The following GREB1L variants were observed in gnomAD, a reference collection of about 807,000 sequenced individuals.
GREB1L encodes GREB1 like retinoic acid receptor coactivator.
Under a neutral mutation model 200.8 loss-of-function variants are expected in GREB1L, and 17 were observed. The observed-to-expected ratio is 0.08, with a 90% CI of 0.06 to 0.13. GREB1L has a LOEUF of 0.13. Ranked by LOEUF, GREB1L falls within the 10% of genes least tolerant of loss-of-function variation. The pLI is 1.00. For missense variants in GREB1L, 1,657 were observed against 2,367.7 expected, an observed-to-expected ratio of 0.70 and a Z score of 6.23; for synonymous variants, 789 against 893.0, an observed-to-expected ratio of 0.88 and a Z score of 2.08.
chr18:21,499,400 A>G (rs886917970), intron 21 of GREB1L, among the ~76,000 whole-genome samples: 14 of 152,240 alleles, frequency 9.2e-5, no homozygotes, highest in African/African-American at 3.4e-4. Context: ...TGGGCCTGAC[A>G]CAGGGAGGGG....
intron 5 of GREB1L, among the ~76,000 whole-genome samples, chr18:21,399,083 C>T (rs1455364214): frequency 6.6e-6 from 1 of 152,208 alleles, no homozygotes; most frequent in African/African-American, 2.4e-5. Context: ...CACACTCTTG[C>T]TTTTCACCTC....
intron 1 of GREB1L, among the ~76,000 whole-genome samples, chr18:21,309,644 C>T (rs2038759877): frequency 6.6e-6 from 1 of 152,108 alleles, no homozygotes. Flanking sequence ...GCCTTTTACC[C>T]TCTGGCCTTT....
chr18:21,342,101 G>A (rs745592878), intron 1 of GREB1L, among the ~76,000 whole-genome samples: 10 of 151,984 alleles, frequency 6.6e-5, no homozygotes, highest in Non-Finnish European at 1.5e-4. Context: ...AACCATTTTT[G>A]CCTATGTGCT....
rs2036270437 is a variant in GREB1L at position 21,490,061 on chromosome 18, C to G, written c.2740C>G (p.Gln914Glu). Reference protein sequence around the residue: ...MVVRCYLLIQQYSEALMALTT... With the variant: ...MVVRCYLLIQEYSEALMALTT... ...CGTCCGCTGCTATCTTCTCATCCAG[C>G]AGTACTCTGAGGCCCTGATGGCTCT... Residue 914 changes from glutamine (Q) to glutamate (E), a missense_variant, in exon 19 of 33, where the codon CAG becomes GAG. Physicochemically the swap from Gln to Glu is conservative, Grantham distance 29 (BLOSUM62 2). Transcript: ENST00000424526. 6.4e-7 allele frequency: 1 copy of G among 1,551,980 alleles called. No individual in the cohort carries two copies. Among genetic ancestry groups the G allele is most frequent in the East Asian group, 2.4e-5 (1 of 40,926 alleles).
chr18:21,406,960 C>T (rs375312600), intron 7 of GREB1L, among the ~76,000 whole-genome samples: 1 of 151,422 alleles, frequency 6.6e-6, no homozygotes, highest in Admixed American at 6.6e-5. Flanking sequence ...CTGCAATCTC[C>T]GCCTCCCAAG....
chr18:21,470,131 A>G (rs2035423600), intron 15 of GREB1L, among the ~76,000 whole-genome samples: 1 of 151,942 alleles, frequency 6.6e-6, no homozygotes, highest in African/African-American at 2.4e-5. Context: ...ATTAAAAAAA[A>G]AAAAATCTTA....
Position 21,242,406 on chromosome 18 carries a change from G to C in GREB1L, c.-120+13G>C, listed in dbSNP as rs918410316. The C allele has an allele frequency of 6.6e-6, 1 of 152,142 alleles. No individual in the cohort carries two copies. Among genetic ancestry groups the C allele is most frequent in the African/African-American group, 2.4e-5 (1 of 41,422 alleles). The allele number at this position is 152,142 out of a possible 1,614,324, so 9.4% of individuals were successfully genotyped here. A position where few individuals can be genotyped will look rare whatever the true frequency, so the allele number is the denominator to read the frequency against. Reference sequence around the variant, plus strand: ...CCGCTAGGGCCAGGTGAGCGGCCGCGGGGACTCCGGGGCGCGGGCAGGAGG... The same window carrying C: ...CCGCTAGGGCCAGGTGAGCGGCCGCCGGGACTCCGGGGCGCGGGCAGGAGG... On this transcript the variant is annotated intron_variant, in intron 1 of 32. Transcript: ENST00000424526.
chr18:21,356,788 C>T (rs576418527), intron 1 of GREB1L, among the ~76,000 whole-genome samples: 5 of 152,254 alleles, frequency 3.3e-5, no homozygotes, highest in African/African-American at 9.6e-5. Flanking sequence ...ACATTCTCAC[C>T]AACATGGTGC....
At chr18:21,465,311 A>C (rs371710866) in intron 15 of GREB1L, among the ~76,000 whole-genome samples, 1 of 152,110 alleles carries the variant, frequency 6.6e-6, no homozygotes, top group South Asian at 2.1e-4. Context: ...AAAAAGTTAA[A>C]ACACAGCTCT....
intron 7 of GREB1L, among the ~76,000 whole-genome samples, chr18:21,420,148 A>G (rs1191901288): frequency 6.6e-6 from 1 of 152,150 alleles, no homozygotes; most frequent in African/African-American, 2.4e-5. Context: ...CGAGGCGGGC[A>G]GATCATGAGG....
intron 7 of GREB1L, among the ~76,000 whole-genome samples, chr18:21,419,724 C>G (rs1255170356): frequency 6.6e-6 from 1 of 152,238 alleles, no homozygotes; most frequent in African/African-American, 2.4e-5. Context: ...GCTGGGATTA[C>G]AGGCGTGAGC....
intron 2 of GREB1L, among the ~76,000 whole-genome samples, chr18:21,376,812 C>CAA (rs534144361): frequency 0.012 from 709 of 58,992 alleles, 22 homozygotes; most frequent in African/African-American, 0.033. Context: ...GAGTCCGTCT[C>CAA]AAAAAAAAAA....
At chr18:21,401,690 C>G (rs1567981081) in intron 6 of GREB1L, 1 of 165,642 alleles carries the variant, frequency 6.0e-6, no homozygotes, top group Non-Finnish European at 1.3e-5. Flanking sequence ...TCTCAAACAT[C>G]TGTATTTTTT....
chr18:21,288,387 G>A (rs1183939668), intron 1 of GREB1L, among the ~76,000 whole-genome samples: 2 of 152,268 alleles, frequency 1.3e-5, no homozygotes, highest in East Asian at 3.9e-4. Context: ...GCTGTAGCCA[G>A]ATTACTGCTT....
intron 1 of GREB1L, among the ~76,000 whole-genome samples, chr18:21,334,413 A>G (rs1054559319): frequency 3.3e-5 from 5 of 152,220 alleles, no homozygotes; most frequent in African/African-American, 9.6e-5. Flanking sequence ...CTCATGAAAC[A>G]TAGAAAGTGT....
rs59982674 is a variant in GREB1L at position 21,428,332 on chromosome 18, C to CTTTTTTTTTTTTTTTTTTT, written c.833-11181_833-11163dup. ...TTATTTTGGGTTTTTGTCTTTTTGT[C>CTTTTTTTTTTTTTTTTTTT]TTTTTTTTTTTTTTTTTTTTTTTTT... On this transcript the variant is annotated intron_variant, in intron 7 of 32. Transcript: ENST00000424526. Among the ~76,000 whole-genome samples the CTTTTTTTTTTTTTTTTTTT allele has an allele frequency of 8.1e-4, 44 of 54,038 alleles. 1 individual carries two copies. The highest frequency in any genetic ancestry group is 1.3e-3 in the Non-Finnish European group (35 of 27,988). The allele number at this position is 54,038 out of a possible 152,430, so 35.5% of individuals were successfully genotyped here.
chr18:21,249,482 G>A lies in GREB1L; in HGVS notation c.-120+7089G>A, dbSNP rs2037664020. ...TCACTGAATTGCTCAAGCTTCAGTT[G>A]TTTTATCTTGGCCAAGTTAAATCTG... On this transcript the variant is annotated intron_variant, in intron 1 of 32. Transcript: ENST00000424526. Among the ~76,000 whole-genome samples, 3 of 152,178 alleles carry A rather than the reference G, an allele frequency of 2.0e-5. No homozygotes were observed. In the South Asian group the frequency reaches 6.2e-4, roughly 31 times the overall value.
intron 7 of GREB1L, among the ~76,000 whole-genome samples, chr18:21,434,499 A>ATATATATATATATATATG (rs1392320151): frequency 3.4e-4 from 43 of 127,276 alleles, no homozygotes; most frequent in African/African-American, 1.4e-3. Context: ...ATATATATAT[A>ATATATATATATATATATG]TGTGTGTGTG....
intron 23 of GREB1L, among the ~76,000 whole-genome samples, chr18:21,504,183 C>G (rs1270255779): frequency 6.6e-6 from 1 of 151,976 alleles, no homozygotes; most frequent in African/African-American, 2.4e-5. Context: ...CTCGGCCTCC[C>G]AAAATGCTGA....
Sources: gnomAD v4.1 joint callset for allele counts (sites outside exome capture counted in the v4.1 genomes callset) on GRCh38, gnomAD v4.1.1 for gene constraint, MANE v1.5 for transcripts, NCBI Gene and HGNC (gene_info 2026-07-23, HGNC 2026-07-21) for gene names.